Variants in TP53BP2 observed in about 807,000 individuals in gnomAD.
TP53BP2 encodes the protein apoptosis-stimulating of p53 protein 2.
Under a neutral mutation model 126.2 loss-of-function variants are expected in TP53BP2, and 62 were observed. The observed-to-expected ratio is 0.49, with a 90% CI of 0.40 to 0.61. The LOEUF is 0.61. Ranked by LOEUF, TP53BP2 falls within the 20% of genes least tolerant of loss-of-function variation. The pLI, the probability that TP53BP2 is intolerant of heterozygous loss-of-function variation, is 0.00. For missense variants in TP53BP2, 1,215 were observed against 1,402.8 expected (o/e 0.87, Z 2.14); for synonymous variants, 485 against 502.9 (o/e 0.96, Z 0.48).
At chr1:223,825,378 G>C (rs6700366) in intron 1 of TP53BP2, among the ~76,000 whole-genome samples, 14,548 of 152,202 alleles carry the variant, frequency 0.096, 765 homozygotes, top group African/African-American at 0.14. Flanking sequence ...CCTTCCTTGA[G>C]AGCATACAGG....
At chr1:223,839,009 TTTC>T (rs1664016250) in intron 1 of TP53BP2, among the ~76,000 whole-genome samples, 1 of 142,888 alleles carries the variant, frequency 7.0e-6, no homozygotes, top group Non-Finnish European at 1.5e-5. Flanking sequence ...TCTCCATTTT[TTTC>T]TTTTTTTTTT....
chr1:223,831,264 T>C (rs1025861959), intron 1 of TP53BP2, among the ~76,000 whole-genome samples: 1 of 148,382 alleles, frequency 6.7e-6, no homozygotes, highest in African/African-American at 2.5e-5. Context: ...TGTGGTAGCA[T>C]GTACCTGTAG....
At chr1:223,839,577 T>G (rs984063837) in intron 1 of TP53BP2, among the ~76,000 whole-genome samples, 1 of 152,256 alleles carries the variant, frequency 6.6e-6, no homozygotes, top group Non-Finnish European at 1.5e-5. Flanking sequence ...TAAGGAATTT[T>G]GGGTTGATAT....
At chr1:223,797,474 A>C (rs1467124441) in intron 12 of TP53BP2, among the ~76,000 whole-genome samples, 3 of 151,696 alleles carry the variant, frequency 2.0e-5, no homozygotes, top group South Asian at 2.1e-4. Context: ...GCTGGAGTGC[A>C]CCATCTCGGC....
In TP53BP2 at chr1:223,814,355, T is replaced by C. The variant is rs1663014630; in HGVS notation, c.176-2A>G. 6 of 1,604,062 alleles carry C rather than the reference T, an allele frequency of 3.7e-6. No individual in the cohort carries two copies. Among genetic ancestry groups the C allele is most frequent in the Non-Finnish European group, 5.1e-6 (6 of 1,171,134 alleles). ...GCTCATTATCCGCAACTGGACGTTCTAAAGCAAATGAGTAGAAACCACATT... is the reference window on the plus strand; with the variant it reads ...GCTCATTATCCGCAACTGGACGTTCCAAAGCAAATGAGTAGAAACCACATT... On this transcript the variant is annotated splice_acceptor_variant, in intron 2 of 17. Transcript: ENST00000343537. LOFTEE classifies it high-confidence loss of function.
chr1:223,814,242 A>G lies in TP53BP2; in HGVS notation c.287T>C (p.Ile96Thr). 1 of 1,610,870 alleles carries G rather than the reference A, an allele frequency of 6.2e-7. No homozygotes were observed. Among genetic ancestry groups the G allele is most frequent in the Non-Finnish European group, 8.5e-7 (1 of 1,177,218 alleles). The part of the protein sequence containing the change: ...LRHERPPGRD[I>T]VSGPRSQDPS... ...ACGATTCACAGAGCACTACCTACCA[A>G]TGTCCCTGCCAGGGGGGCGTTCATG... Residue 96 changes from isoleucine (I) to threonine (T), a missense_variant and splice_region_variant, in exon 3 of 18, where the codon ATT (isoleucine) becomes ACT (threonine). Ile to Thr is a moderately conservative substitution (Grantham distance 89, BLOSUM62 -1). Around this residue, in one of 4 missense-constraint regions of TP53BP2, gnomAD observed 814 missense variants for 853.0 expected, o/e 0.95. Transcript: ENST00000343537.
At chr1:223,795,599 ACT>A (rs750056929) in intron 13 of TP53BP2, among the ~76,000 whole-genome samples, 17 of 152,102 alleles carry the variant, frequency 1.1e-4, no homozygotes, top group Non-Finnish European at 2.4e-4. Flanking sequence ...TAAGAACAAA[ACT>A]CTGTTTCTTT....
intron 17 of TP53BP2, among the ~76,000 whole-genome samples, chr1:223,783,690 C>T (rs16842229): frequency 0.11 from 16,555 of 152,202 alleles, 1,072 homozygotes; most frequent in African/African-American, 0.18. Flanking sequence ...GTGGTACATA[C>T]GTGCTGGCAT....
intron 3 of TP53BP2, among the ~76,000 whole-genome samples, chr1:223,812,597 T>C (rs1349316661): frequency 6.6e-6 from 1 of 152,048 alleles, no homozygotes; most frequent in Non-Finnish European, 1.5e-5. Flanking sequence ...AGTCTTGCTG[T>C]GTCGCCAGGC....
chr1:223,805,943 G>A (rs1387668313), intron 5 of TP53BP2, among the ~76,000 whole-genome samples: 1 of 152,228 alleles, frequency 6.6e-6, no homozygotes, highest in Non-Finnish European at 1.5e-5. Flanking sequence ...GCCCTTTACA[G>A]AGAAAGGTCT....
At chr1:223,800,070 G>A (rs1310043553) in intron 10 of TP53BP2, 23 bp from the exon 11 acceptor site, 1 of 1,588,778 alleles carries the variant, frequency 6.3e-7, no homozygotes, top group Non-Finnish European at 8.5e-7. Context: ...AAATCACAAT[G>A]ACATTCAAAC....
At chr1:223,823,172 G>A (rs1663373240) in intron 1 of TP53BP2, among the ~76,000 whole-genome samples, 1 of 152,186 alleles carries the variant, frequency 6.6e-6, no homozygotes, top group East Asian at 1.9e-4. Flanking sequence ...ACAGCAATTG[G>A]AGGGCCTACC....
In TP53BP2 at chr1:223,803,367, G is replaced by A. The variant is rs768970477; in HGVS notation, c.735C>T (p.Thr245=). Residue 245 remains threonine, a synonymous_variant, in exon 7 of 18, where the codon ACC becomes ACT. Coordinates refer to ENST00000343537, the MANE Select transcript of TP53BP2 (RefSeq NM_001031685.3). ...CGTTCTTGAGCATCTCTAGCTGCCT[G>A]GTCAGTTCTTCTACTTTTGACACAG... The part of the protein sequence containing the change: ...VLAVSKVEEL[T]RQLEMLKNGR... 3.7e-6 allele frequency: 6 copies of A among 1,613,900 alleles called. No individual in the cohort carries two copies. Among genetic ancestry groups the A allele is most frequent in the Non-Finnish European group, 5.1e-6 (6 of 1,179,926 alleles).
chr1:223,837,890 T>G (rs1412100909), intron 1 of TP53BP2, among the ~76,000 whole-genome samples: 1 of 152,080 alleles, frequency 6.6e-6, no homozygotes, highest in Admixed American at 6.5e-5. Context: ...TCGGCTCTTG[T>G]CACTCTGCCC....
In TP53BP2 at chr1:223,813,002, C is replaced by T. The variant is rs532976740; in HGVS notation, c.289+1238G>A. On this transcript the variant is annotated intron_variant, in intron 3 of 17. Transcript: ENST00000343537. ...CATGAGCCACCGCGCTCAGCCAAAA[C>T]TGAGCTTTTGTAATGTCCAATAACC... 1.6e-4 allele frequency among the ~76,000 whole-genome samples: 24 copies of T among 152,268 alleles called. No homozygotes were observed. The East Asian group carries it at 4.5e-3, about 28-fold the overall frequency.
chr1:223,789,117 C>T lies in TP53BP2; in HGVS notation c.3054G>A (p.Val1018=). 1.9e-6 allele frequency: 3 copies of T among 1,614,180 alleles called. No individual in the cohort carries two copies. The highest frequency in any genetic ancestry group is 2.5e-6 in the Non-Finnish European group (3 of 1,180,014). ...TGGCAAACACAGCGGCTCCTGACTCCACCAAAAACTTACACACTTGGACGT... is the reference window on the plus strand; with the variant it reads ...TGGCAAACACAGCGGCTCCTGACTCTACCAAAAACTTACACACTTGGACGT... ...CNNVQVCKFL[V]ESGAAVFAMT... is the part of the protein sequence containing the mutation. Residue 1018 remains valine (V), a synonymous_variant, in exon 16 of 18, where the codon GTG becomes GTA. Transcript: ENST00000343537.
chr1:223,791,867 A>G (rs1307673335), intron 15 of TP53BP2, among the ~76,000 whole-genome samples: 1 of 152,118 alleles, frequency 6.6e-6, no homozygotes, highest in East Asian at 1.9e-4. Context: ...TTATTATTTA[A>G]TATTGACTAA....
At chr1:223,816,047 TCCTG>T (rs1335727794) in intron 2 of TP53BP2, among the ~76,000 whole-genome samples, 6 of 152,232 alleles carry the variant, frequency 3.9e-5, no homozygotes, top group Non-Finnish European at 8.8e-5. Flanking sequence ...GACAGGGCAT[TCCTG>T]CCTATGTGAC....
chr1:223,808,667 AT>A (rs1662808423), intron 4 of TP53BP2, among the ~76,000 whole-genome samples: 1 of 151,836 alleles, frequency 6.6e-6, no homozygotes, highest in African/African-American at 2.4e-5. Flanking sequence ...GGAAAAAAAA[AT>A]CTCTATGACC....
Sources: gnomAD v4.1 joint callset for allele counts (sites outside exome capture counted in the v4.1 genomes callset) on GRCh38, gnomAD v4.1.1 for gene constraint, gnomAD v4.1.1 regional missense constraint, MANE v1.5 for transcripts, NCBI Gene and HGNC (gene_info 2026-07-23, HGNC 2026-07-21) for gene names.